DSTYK: variants seen among roughly 807,000 people sequenced by gnomAD.
The protein encoded by DSTYK is RIP-homologous kinase.
In DSTYK, 34 loss-of-function variants were observed where a neutral mutation model predicts 98.7. The observed-to-expected ratio is 0.34, with a 90% confidence interval of 0.26 to 0.46. The LOEUF is 0.46. DSTYK is among the 20% of genes least tolerant of loss of function. The pLI, the probability that DSTYK is intolerant of heterozygous loss-of-function variation, is 1.00. For missense variants in DSTYK, 962 were observed against 1,181.7 expected, an observed-to-expected ratio of 0.81 and a Z score of 2.73; for synonymous variants, 462 against 457.3, an observed-to-expected ratio of 1.01 and a Z score of -0.13.
chr1:205,167,935 C>T (rs1657937394), intron 3 of DSTYK, among the ~76,000 whole-genome samples: 1 of 152,102 alleles, frequency 6.6e-6, no homozygotes, highest in South Asian at 2.1e-4. Context: ...AACCCCGTCT[C>T]TACTAAAATA....
rs140161601 is a variant in DSTYK at position 205,172,823 on chromosome 1, C to T, written c.655-2991G>A. ...TAAGTCAATCCACCCTTTATCCAAC[C>T]CCAAGCCAAGAAGAAATTTGCTGTT... On this transcript the variant is annotated intron_variant, in intron 2 of 12. Transcript: ENST00000367162. 1.8e-4 allele frequency among the ~76,000 whole-genome samples: 27 copies of T among 152,150 alleles called. No homozygotes were observed. The East Asian group carries it at 5.2e-3, about 29-fold the overall frequency.
intron 2 of DSTYK, among the ~76,000 whole-genome samples, chr1:205,171,701 A>G (rs1411122443): frequency 1.3e-5 from 2 of 152,136 alleles, no homozygotes; most frequent in African/African-American, 4.8e-5. Flanking sequence ...GGACTCACAC[A>G]TATTAATATA....
At chr1:205,206,128 C>T (rs952953246) in intron 1 of DSTYK, among the ~76,000 whole-genome samples, 1 of 152,196 alleles carries the variant, frequency 6.6e-6, no homozygotes, top group Non-Finnish European at 1.5e-5. Context: ...CTGATCTTCA[C>T]TGGCCTAAGG....
intron 2 of DSTYK, among the ~76,000 whole-genome samples, chr1:205,176,617 T>G (rs1658241559): frequency 1.3e-5 from 2 of 151,946 alleles, no homozygotes; most frequent in Admixed American, 1.3e-4. Flanking sequence ...TATTTTTAAA[T>G]TTTTTGTAGA....
chr1:205,189,042 T>G (rs1397650583), intron 1 of DSTYK, among the ~76,000 whole-genome samples: 1 of 152,150 alleles, frequency 6.6e-6, no homozygotes, highest in Non-Finnish European at 1.5e-5. Context: ...CATATCGAAA[T>G]ACCACATGTA....
intron 2 of DSTYK, among the ~76,000 whole-genome samples, chr1:205,172,547 G>A (rs1007817990): frequency 1.0e-4 from 15 of 149,876 alleles, no homozygotes; most frequent in Non-Finnish European, 1.8e-4. Flanking sequence ...GAACTCCTGA[G>A]CTCAAGCGAT....
chr1:205,170,597 G>A (rs1303285254), intron 2 of DSTYK, among the ~76,000 whole-genome samples: 5 of 152,158 alleles, frequency 3.3e-5, no homozygotes, highest in Admixed American at 1.3e-4. Context: ...CCTGTTCTGA[G>A]TCTGTAGATA....
chr1:205,181,954 TA>T (rs1307284385), intron 2 of DSTYK, among the ~76,000 whole-genome samples: 3 of 152,116 alleles, frequency 2.0e-5, no homozygotes, highest in African/African-American at 7.2e-5. Context: ...AAACAGTGTT[TA>T]GTAAATTTGG....
chr1:205,177,526 T>C (rs538252404), intron 2 of DSTYK, among the ~76,000 whole-genome samples: 1 of 152,336 alleles, frequency 6.6e-6, no homozygotes, highest in Non-Finnish European at 1.5e-5. Context: ...TAAATATTAA[T>C]TACATATTAA....
intron 2 of DSTYK, among the ~76,000 whole-genome samples, chr1:205,187,175 A>G (rs934644997): frequency 6.6e-6 from 1 of 152,202 alleles, no homozygotes; most frequent in Non-Finnish European, 1.5e-5. Flanking sequence ...AGAAACAGAG[A>G]TAAGGAAGTG....
At chr1:205,182,079 GT>G (rs1273914954) in intron 2 of DSTYK, among the ~76,000 whole-genome samples, 2 of 152,038 alleles carry the variant, frequency 1.3e-5, no homozygotes, top group Non-Finnish European at 2.9e-5. Context: ...TTAAAAACAG[GT>G]TAGCAAAACA....
chr1:205,202,308 C>T (rs1421212257), intron 1 of DSTYK: 10 of 674,518 alleles, frequency 1.5e-5, no homozygotes, highest in Non-Finnish European at 2.5e-5. Context: ...CAAGGGTATG[C>T]ATATACGAAA....
At chr1:205,208,162 G>C (rs922764674) in intron 1 of DSTYK, among the ~76,000 whole-genome samples, 1 of 152,116 alleles carries the variant, frequency 6.6e-6, no homozygotes, top group African/African-American at 2.4e-5. Flanking sequence ...TTACAGGTGT[G>C]AGCCACCGCA....
intron 1 of DSTYK, among the ~76,000 whole-genome samples, chr1:205,188,090 T>C (rs1658610754): frequency 6.6e-6 from 1 of 152,152 alleles, no homozygotes; most frequent in Admixed American, 6.6e-5. Flanking sequence ...CCCGCTCCTT[T>C]TTCATTCAGT....
chr1:205,198,371 T>C (rs889793481), intron 1 of DSTYK, among the ~76,000 whole-genome samples: 2 of 152,170 alleles, frequency 1.3e-5, no homozygotes, highest in African/African-American at 4.8e-5. Context: ...GCAAAACTTT[T>C]CCAATTCTCT....
chr1:205,147,607 C>T lies in DSTYK; in HGVS notation c.2741G>A (p.Cys914Tyr). 1 of 1,613,872 alleles carries T rather than the reference C, an allele frequency of 6.2e-7. No homozygotes were observed. Among genetic ancestry groups the T allele is most frequent in the Non-Finnish European group, 8.5e-7 (1 of 1,179,738 alleles). Residue 914 changes from cysteine to tyrosine, a missense_variant, in exon 13 of 13, where the codon TGC (cysteine) becomes TAC (tyrosine). By Grantham distance (194) the Cys-to-Tyr change is radical. This residue lies in a region of DSTYK where 65 missense variants were observed against 63.9 expected (regional missense o/e 1.02). Transcript: ENST00000367162. The part of the protein sequence containing the change: ...PMLQGIMNRL[C>Y]KSNSEQPNRG... Reference sequence around the variant, plus strand: ...GTTTGGCTGCTCAGAATTGGACTTGCAGAGCCGATTCATGATGCCCTGGAG... The same window carrying T: ...GTTTGGCTGCTCAGAATTGGACTTGTAGAGCCGATTCATGATGCCCTGGAG...
intron 10 of DSTYK, among the ~76,000 whole-genome samples, chr1:205,154,811 C>G (rs1657509493): frequency 1.3e-5 from 2 of 151,976 alleles, no homozygotes; most frequent in African/African-American, 4.8e-5. Context: ...ACAATGATGT[C>G]CAGGCTAAGG....
chr1:205,167,767 G>C (rs924067500), intron 3 of DSTYK, among the ~76,000 whole-genome samples: 5 of 152,220 alleles, frequency 3.3e-5, no homozygotes, highest in African/African-American at 1.2e-4. Flanking sequence ...GATAACAATA[G>C]TTCAGTTAGA....
Position 205,211,447 on chromosome 1 carries a change from C to G in DSTYK, c.89G>C (p.Gly30Ala). Reference sequence around the variant, plus strand: ...CAGGTAGCGGCGGTAGCGGCCGAAGCCCCGGCACAGCTCGCGGATCATTCC... The same window carrying G: ...CAGGTAGCGGCGGTAGCGGCCGAAGGCCCGGCACAGCTCGCGGATCATTCC... ...GGGMIRELCR[G>A]FGRYRRYLGR... The change falls in exon 1 of 13, where the codon GGC becomes GCC. Residue 30 changes from glycine (G) to alanine (A), a missense_variant. Physicochemically the swap from Gly to Ala is moderately conservative, Grantham distance 60. Transcript: ENST00000367162. The G allele has an allele frequency of 6.2e-7, 1 of 1,601,136 alleles. No individual in the cohort carries two copies. Among genetic ancestry groups the G allele is most frequent in the Non-Finnish European group, 8.5e-7 (1 of 1,176,750 alleles).
Sources: gnomAD v4.1 joint callset for allele counts (sites outside exome capture counted in the v4.1 genomes callset) on GRCh38, gnomAD v4.1.1 for gene constraint, gnomAD v4.1.1 regional missense constraint, MANE v1.5 for transcripts, NCBI Gene and HGNC (gene_info 2026-07-23, HGNC 2026-07-21) for gene names.